Variants in NRP2 observed in about 807,000 individuals in gnomAD.
NRP2 encodes the protein neuropilin 2.
In NRP2, 52 loss-of-function variants were observed where a neutral mutation model predicts 110.4. The ratio of observed to expected loss-of-function variants is 0.47; its 90% CI spans 0.38 to 0.59. The LOEUF (loss-of-function observed/expected upper bound fraction) is 0.59. Ranked by LOEUF, NRP2 falls within the 20% of genes least tolerant of loss-of-function variation. NRP2 has a pLI of 0.00. For synonymous variants in NRP2, 508 were observed against 468.9 expected (o/e 1.08, Z -1.08); for missense variants, 1,049 against 1,203.0 (o/e 0.87, Z 1.89).
chr2:205,748,476 G>T (rs183473860), intron 10 of NRP2, among the ~76,000 whole-genome samples: 8 of 152,326 alleles, frequency 5.3e-5, no homozygotes, highest in African/African-American at 9.6e-5. Flanking sequence ...ACACTTCGAG[G>T]TTATTTGCTA....
chr2:205,690,703 T>A (rs762565472), intron 1 of NRP2, among the ~76,000 whole-genome samples: 1 of 151,350 alleles, frequency 6.6e-6, no homozygotes, highest in Non-Finnish European at 1.5e-5. Context: ...TCGCTTAAAC[T>A]TGGGAGGCGG....
At chr2:205,764,021 A>T (rs941539987) in intron 13 of NRP2, 85 bp downstream of exon 13, 3 of 1,534,926 alleles carry the variant, frequency 2.0e-6, no homozygotes, top group East Asian at 2.3e-5. Context: ...AACGTGGTTA[A>T]GCGCTACTGT....
At chr2:205,780,277 GA>G (rs2058159679) in intron 15 of NRP2, among the ~76,000 whole-genome samples, 1 of 152,230 alleles carries the variant, frequency 6.6e-6, no homozygotes, top group African/African-American at 2.4e-5. Flanking sequence ...AACAGGTAAT[GA>G]AGATAATTAG....
intron 15 of NRP2, among the ~76,000 whole-genome samples, chr2:205,787,576 CTG>C (rs1463138534): frequency 2.0e-5 from 3 of 151,968 alleles, no homozygotes; most frequent in Non-Finnish European, 4.4e-5. Context: ...ACAATATGCT[CTG>C]TGTAGACACA....
chr2:205,727,941 G>A lies in NRP2; in HGVS notation c.1041G>A (p.Ala347=), dbSNP rs762365618. Residue 347 remains alanine, a synonymous_variant, in exon 7 of 17, where the codon GCG becomes GCA. Coordinates refer to ENST00000357785, the MANE Select transcript of NRP2 (RefSeq NM_003872.3). ...TMLTAIATQG[A]ISRETQNGYY... ...TCACGGCCATCGCAACACAGGGAGC[G>A]ATTTCCAGGGAAACACAGAATGGCT... 118 of 1,614,104 alleles carry A rather than the reference G, an allele frequency of 7.3e-5. 1 individual carries two copies. The East Asian group carries it at 1.7e-3, about 23-fold the overall frequency.
chr2:205,724,804 C>G (rs2057095745), intron 5 of NRP2, among the ~76,000 whole-genome samples: 2 of 151,870 alleles, frequency 1.3e-5, no homozygotes, highest in African/African-American at 4.8e-5. Context: ...GTAGCTGGAA[C>G]TACAGGCATG....
At chr2:205,773,682 C>G (rs993859344) in intron 15 of NRP2, among the ~76,000 whole-genome samples, 2 of 152,204 alleles carry the variant, frequency 1.3e-5, no homozygotes, top group African/African-American at 4.8e-5. Flanking sequence ...CTAACATTGT[C>G]TCTTATCGTA....
intron 15 of NRP2, chr2:205,767,631 T>A: frequency 3.6e-6 from 1 of 281,392 alleles, no homozygotes; most frequent in Non-Finnish European, 7.2e-6. Context: ...GTTTGTGCTG[T>A]TACAATGCAG....
At chr2:205,793,879 T>C (rs1271255900) in intron 16 of NRP2, among the ~76,000 whole-genome samples, 1 of 152,140 alleles carries the variant, frequency 6.6e-6, no homozygotes, top group Non-Finnish European at 1.5e-5. Context: ...GCCTTATTAT[T>C]AAAGGAGGTC....
In NRP2 at chr2:205,783,209, C is replaced by T. The variant is rs3770999; in HGVS notation, c.2426-9026C>T. 1.5e-4 allele frequency among the ~76,000 whole-genome samples: 23 copies of T among 152,196 alleles called. No individual in the cohort carries two copies. The East Asian group carries it at 3.5e-3, about 23-fold the overall frequency. Reference sequence around the variant, plus strand: ...AAACTCAGGGAGTGTTTCTTCAGAACGTTCTTTTTTTTAACTGCCAACTTA... The same window carrying T: ...AAACTCAGGGAGTGTTTCTTCAGAATGTTCTTTTTTTTAACTGCCAACTTA... On this transcript the variant is annotated intron_variant, in intron 15 of 16. Coordinates refer to ENST00000357785, the MANE Select transcript of NRP2 (RefSeq NM_003872.3).
chr2:205,776,334 C>G (rs756579224), intron 15 of NRP2: 3 of 1,612,970 alleles, frequency 1.9e-6, no homozygotes, highest in East Asian at 2.2e-5. Context: ...TAATGGCCGC[C>G]GGGGGCGCCG....
intron 12 of NRP2, among the ~76,000 whole-genome samples, chr2:205,754,511 G>A (rs1038578530): frequency 6.6e-6 from 1 of 152,166 alleles, no homozygotes; most frequent in Non-Finnish European, 1.5e-5. Flanking sequence ...GGCAAAAGAA[G>A]AGAACACTTA....
At chr2:205,765,408 G>A (rs2057898599) in intron 13 of NRP2, 66 bp from the exon 14 acceptor site, 1 of 1,384,920 alleles carries the variant, frequency 7.2e-7, no homozygotes, top group South Asian at 1.2e-5. Context: ...CAGAAACTTG[G>A]AAATCCTTGC....
At chr2:205,717,226 C>T (rs1294288280) in intron 3 of NRP2, among the ~76,000 whole-genome samples, 1 of 152,076 alleles carries the variant, frequency 6.6e-6, no homozygotes, top group African/African-American at 2.4e-5. Context: ...TCCTCCCCAC[C>T]CACCACCCAC....
At chr2:205,749,610 C>G in intron 10 of NRP2, 115 bp from the exon 11 acceptor site, 1 of 829,592 alleles carries the variant, frequency 1.2e-6, no homozygotes, top group South Asian at 1.4e-5. Flanking sequence ...TTCAGAGTTC[C>G]GTGCACATGT....
intron 16 of NRP2, among the ~76,000 whole-genome samples, chr2:205,793,172 A>G (rs535398891): frequency 1.3e-5 from 2 of 152,272 alleles, no homozygotes; most frequent in Non-Finnish European, 2.9e-5. Context: ...AAAGTGCATG[A>G]CCAACCTACA....
At chr2:205,756,100 G>A (rs1466786735) in intron 12 of NRP2, among the ~76,000 whole-genome samples, 1 of 152,002 alleles carries the variant, frequency 6.6e-6, no homozygotes, top group African/African-American at 2.4e-5. Flanking sequence ...AGCACCCACT[G>A]GTTTCATTCC....
intron 2 of NRP2, among the ~76,000 whole-genome samples, chr2:205,710,384 G>A (rs1408888027): frequency 6.6e-6 from 1 of 152,180 alleles, no homozygotes; most frequent in Admixed American, 6.5e-5. Flanking sequence ...TTGTAACAGG[G>A]CCTGGTTTGG....
rs1412046665 is a variant in NRP2, at chr2:205,745,815, G to A, written c.1711G>A (p.Val571Met). 3 of 1,614,128 alleles carry A rather than the reference G, an allele frequency of 1.9e-6. No individual in the cohort carries two copies. The highest frequency in any genetic ancestry group is 2.5e-6 in the Non-Finnish European group (3 of 1,180,040). ...GTTTGACCCCATTCCGGCACAGTAT[G>A]TGCGGGTATACCCGGAGAGGTGGTC... Reference protein sequence around the residue: ...RRFDPIPAQYVRVYPERWSPA... With the variant: ...RRFDPIPAQYMRVYPERWSPA... Residue 571 changes from valine to methionine, a missense_variant, in exon 10 of 17, where the codon GTG becomes ATG. Val to Met is a conservative substitution (Grantham distance 21, BLOSUM62 1). Transcript: ENST00000357785.
Sources: allele counts gnomAD v4.1 joint callset (sites outside exome capture counted in the v4.1 genomes callset), GRCh38; gene constraint gnomAD v4.1.1; transcripts MANE v1.5; gene names NCBI Gene and HGNC (gene_info 2026-07-23, HGNC 2026-07-21).